NAF1: variants seen among roughly 807,000 people sequenced by gnomAD.
NAF1 encodes the protein nuclear assembly factor 1 ribonucleoprotein, also known as H/ACA ribonucleoprotein complex non-core subunit NAF1.
NAF1 carries 11 observed loss-of-function variants against 40.6 expected under a neutral mutation model. That is an observed-to-expected ratio of 0.27 (90% CI 0.17 to 0.45). The LOEUF is 0.45. Ranked by LOEUF, NAF1 falls within the 20% of genes least tolerant of loss-of-function variation. The pLI, the probability that NAF1 is intolerant of heterozygous loss-of-function variation, is 1.00. For missense variants in NAF1, 607 were observed against 611.1 expected, an observed-to-expected ratio of 0.99 and a Z score of 0.07; for synonymous variants, 260 against 228.5, an observed-to-expected ratio of 1.14 and a Z score of -1.24.
At chr4:163,144,451 T>C (rs1323716885) in intron 4 of NAF1, among the ~76,000 whole-genome samples, 1 of 152,206 alleles carries the variant, frequency 6.6e-6, no homozygotes, top group East Asian at 1.9e-4. Context: ...GATGGCTTGC[T>C]ACTGAAGGTA....
chr4:163,113,846 C>A (rs12500406), intron 2 of NAF1, among the ~76,000 whole-genome samples: 55,131 of 152,078 alleles, frequency 0.36, 11,217 homozygotes, highest in East Asian at 0.63. Context: ...TTAGTTATTG[C>A]ATGCCATGGA....
Position 163,140,231 on chromosome 4 carries a change from T to G in NAF1, c.870A>C (p.Lys290Asn), listed in dbSNP as rs1731205073. 6.3e-7 allele frequency: 1 copy of G among 1,590,318 alleles called. No homozygotes were observed. The highest frequency in any genetic ancestry group is 8.5e-7 in the Non-Finnish European group (1 of 1,173,042). The change falls in exon 5 of 8, where the codon AAA becomes AAC. Residue 290 changes from lysine to asparagine, a missense_variant. Around this residue, in one of 3 missense-constraint regions of NAF1, gnomAD observed 407 missense variants for 365.5 expected, o/e 1.11. Coordinates refer to ENST00000274054, the MANE Select transcript of NAF1 (RefSeq NM_138386.3). ...KDFTQYIFTE[K>N]LKQDKGSDAS... is the part of the protein sequence containing the mutation. ...GCCGGTAAAGTACTTACTGTTTTAG[T>G]TTTTCTGTGAATATATATTGAGTGA... is the stretch of plus-strand genomic sequence containing the variant.
chr4:163,115,616 T>C (rs1023030290), intron 2 of NAF1, among the ~76,000 whole-genome samples: 1 of 152,208 alleles, frequency 6.6e-6, no homozygotes, highest in Non-Finnish European at 1.5e-5. Context: ...TTTCTTTAAT[T>C]AAGTTTATTT....
intron 2 of NAF1, among the ~76,000 whole-genome samples, chr4:163,155,368 GCACATAGTA>G (rs1197145178): frequency 6.6e-6 from 1 of 152,118 alleles, no homozygotes; most frequent in African/African-American, 2.4e-5. Flanking sequence ...AAGATGGCTA[GCACATAGTA>G]GGTATTTAGT....
At position 163,146,559 on chromosome 4, in the gene NAF1, A is replaced by T. The variant is rs927826254; in HGVS notation, c.635-695T>A. On this transcript the variant is annotated intron_variant, in intron 3 of 7. Transcript: ENST00000274054. ...CCACAAGTAAGAACACTGTTACATT[A>T]CATAGATAATACCATGTCAACTAAG... Among the ~76,000 whole-genome samples the T allele has an allele frequency of 5.5e-4, 84 of 152,378 alleles. 1 individual carries two copies. The highest frequency in any genetic ancestry group is 1.3e-4 in the Non-Finnish European group (9 of 68,028).
Position 163,166,535 on chromosome 4 carries a change from G to C in NAF1, c.193C>G (p.Gln65Glu). 1 of 1,586,338 alleles carries C rather than the reference G, an allele frequency of 6.3e-7. No homozygotes were observed. The highest frequency in any genetic ancestry group is 8.6e-7 in the Non-Finnish European group (1 of 1,167,166). Reference sequence around the variant, plus strand: ...GCGTTCAGAACGGGCTGCAGAGGCTGCTCCCCGGCAGGCTTAACCTCCACG... The same window carrying C: ...GCGTTCAGAACGGGCTGCAGAGGCTCCTCCCCGGCAGGCTTAACCTCCACG... ...QTVEVKPAGE[Q>E]PLQPVLNAVA... The change falls in exon 1 of 8, where the codon CAG (glutamine) becomes GAG (glutamate). Residue 65 changes from glutamine (Q) to glutamate (E), a missense_variant. This residue lies in a region of NAF1 where 407 missense variants were observed against 365.5 expected (regional missense o/e 1.11). Transcript: ENST00000274054.
chr4:163,143,368 C>T (rs750792047), intron 4 of NAF1, among the ~76,000 whole-genome samples: 3 of 152,182 alleles, frequency 2.0e-5, no homozygotes, highest in Non-Finnish European at 4.4e-5. Context: ...ATATAGAGTG[C>T]ATGCAGTTCC....
chr4:163,143,371 G>A (rs746876424), intron 4 of NAF1, among the ~76,000 whole-genome samples: 38 of 152,316 alleles, frequency 2.5e-4, no homozygotes, highest in Non-Finnish European at 4.7e-4. Context: ...TAGAGTGCAT[G>A]CAGTTCCCCA....
chr4:163,131,068 T>G (rs1001054159), intron 7 of NAF1, among the ~76,000 whole-genome samples: 9 of 152,154 alleles, frequency 5.9e-5, no homozygotes, highest in Non-Finnish European at 1.3e-4. Context: ...AGATGGGGTT[T>G]CACCATGTTG....
At chr4:163,144,802 A>G (rs1045904736) in intron 4 of NAF1, among the ~76,000 whole-genome samples, 1 of 152,198 alleles carries the variant, frequency 6.6e-6, no homozygotes, top group Admixed American at 6.5e-5. Flanking sequence ...TATTAGTCAC[A>G]TTTACAGGTC....
At chr4:163,160,661 A>G (rs1215743031) in intron 2 of NAF1, among the ~76,000 whole-genome samples, 1 of 152,166 alleles carries the variant, frequency 6.6e-6, no homozygotes, top group Non-Finnish European at 1.5e-5. Context: ...AACTGCTAGA[A>G]AACTCTTTAG....
chr4:163,152,400 C>T (rs2110999249), intron 2 of NAF1, among the ~76,000 whole-genome samples: 1 of 152,218 alleles, frequency 6.6e-6, no homozygotes, highest in East Asian at 1.9e-4. Flanking sequence ...CCAGTATGAC[C>T]AAGATAAGGG....
intron 2 of NAF1, among the ~76,000 whole-genome samples, chr4:163,118,463 C>T (rs1475814855): frequency 6.6e-6 from 1 of 152,140 alleles, no homozygotes; most frequent in East Asian, 1.9e-4. Flanking sequence ...GAAATAAAAC[C>T]TATTTTTGGC....
chr4:163,127,188 G>C, downstream of NAF1: 1 of 1,489,834 alleles, frequency 6.7e-7, no homozygotes, highest in South Asian at 1.4e-5. Flanking sequence ...GGAGTGCAAT[G>C]GTGTGATCTC....
Position 163,144,103 on chromosome 4 carries a change from A to G in NAF1, c.717+1679T>C, listed in dbSNP as rs1731367887. On this transcript the variant is annotated intron_variant, in intron 4 of 7. Coordinates refer to ENST00000274054, the MANE Select transcript of NAF1 (RefSeq NM_138386.3). ...TATAATCGTTTAAAAAGGAATCAGTAAAAATTTCCTACCCACTGATATATG... is the reference window on the plus strand; with the variant it reads ...TATAATCGTTTAAAAAGGAATCAGTGAAAATTTCCTACCCACTGATATATG... 5.1e-6 allele frequency: 4 copies of G among 791,762 alleles called. No individual in the cohort carries two copies. The South Asian group carries it at 2.3e-4, about 46-fold the overall frequency. 49.0% of individuals were successfully genotyped at this position (791,762 alleles called of 1,614,324 possible).
At chr4:163,107,052 T>G (rs1730060418), downstream of NAF1, among the ~76,000 whole-genome samples, 1 of 152,014 alleles carries the variant, frequency 6.6e-6, no homozygotes, top group Admixed American at 6.6e-5. Context: ...AGTGGTGCAA[T>G]CTCGGCTCAC....
intron 6 of NAF1, 125 bp downstream of exon 6, chr4:163,137,074 A>C (rs1056147727): frequency 9.9e-7 from 1 of 1,013,928 alleles, no homozygotes. Flanking sequence ...ATGCGCTAGG[A>C]CAGGATAAGG....
chr4:163,166,246 A>G (rs2111078881), intron 1 of NAF1, 117 bp downstream of exon 1: 1 of 1,317,178 alleles, frequency 7.6e-7, no homozygotes, highest in Non-Finnish European at 1.0e-6. Context: ...CGGAGCACCA[A>G]CGACCTGCCC....
Position 163,121,647 on chromosome 4 carries a change from C to T in NAF1, c.115-11357G>A, listed in dbSNP as rs530449692. ...ATTTTATGAATGCATATTGTGTGAA[C>T]ATGAATTCATTCTACAAATTAGTTT... On this transcript the variant is annotated intron_variant, in intron 2 of 2. Coordinates refer to the NAF1 transcript ENST00000509434. Among the ~76,000 whole-genome samples the T allele has an allele frequency of 2.0e-5, 3 of 152,236 alleles. No individual in the cohort carries two copies. The South Asian group carries it at 6.2e-4, about 32-fold the overall frequency.
Sources: allele counts gnomAD v4.1 joint callset (sites outside exome capture counted in the v4.1 genomes callset), GRCh38; gene constraint gnomAD v4.1.1; regional missense constraint gnomAD v4.1.1; transcripts MANE v1.5; gene names NCBI Gene and HGNC (gene_info 2026-07-23, HGNC 2026-07-21).